The following SORCS2 variants were observed in gnomAD, a reference collection of about 807,000 sequenced individuals.
SORCS2 encodes sortilin related VPS10 domain containing receptor 2.
In SORCS2, 100 loss-of-function variants were observed where a neutral mutation model predicts 141.6. That is an observed-to-expected ratio of 0.71 (90% CI 0.60 to 0.83). The LOEUF is 0.83. Ranked by LOEUF, SORCS2 falls within the 40% of genes least tolerant of loss-of-function variation. The probability of loss-of-function intolerance (pLI) is 0.00; values close to 1 mark genes in which losing one functional copy is unlikely to be tolerated. For missense variants in SORCS2, 1,646 were observed against 1,560.2 expected, an observed-to-expected ratio of 1.05 and a Z score of -0.93; for synonymous variants, 789 against 676.9, an observed-to-expected ratio of 1.17 and a Z score of -2.57.
At chr4:7,736,572 C>T (rs572706476) in intron 25 of SORCS2, among the ~76,000 whole-genome samples, 107 of 152,236 alleles carry the variant, frequency 7.0e-4, no homozygotes, top group African/African-American at 2.4e-3. Context: ...GTGGAGGCAG[C>T]GGGGCTGTGC....
chr4:7,375,263 A>G (rs1046615009), intron 1 of SORCS2, among the ~76,000 whole-genome samples: 1 of 152,228 alleles, frequency 6.6e-6, no homozygotes, highest in Non-Finnish European at 1.5e-5. Flanking sequence ...ATGGGGATAC[A>G]GAATCATTGA....
chr4:7,554,161 C>A (rs1183972334), intron 3 of SORCS2, among the ~76,000 whole-genome samples: 2 of 152,108 alleles, frequency 1.3e-5, no homozygotes, highest in Non-Finnish European at 2.9e-5. Context: ...TAAGGGGGCA[C>A]TACATATCAT....
chr4:7,625,105 A>C (rs1296388840), intron 3 of SORCS2, among the ~76,000 whole-genome samples: 4 of 152,208 alleles, frequency 2.6e-5, no homozygotes, highest in Admixed American at 6.5e-5. Flanking sequence ...CTTGCCATTA[A>C]ATTTACAAAT....
intron 1 of SORCS2, among the ~76,000 whole-genome samples, chr4:7,378,986 C>A (rs1360920463): frequency 6.6e-6 from 1 of 152,156 alleles, no homozygotes; most frequent in African/African-American, 2.4e-5. Flanking sequence ...CCTAGATGCA[C>A]CTTCATTCTC....
intron 3 of SORCS2, among the ~76,000 whole-genome samples, chr4:7,587,091 G>A (rs1288518774): frequency 2.0e-5 from 3 of 151,984 alleles, no homozygotes; most frequent in African/African-American, 4.8e-5. Context: ...GGAGCTCCCT[G>A]TCATGAGAGG....
intron 18 of SORCS2, among the ~76,000 whole-genome samples, chr4:7,718,674 C>A (rs182669855): frequency 2.0e-5 from 3 of 152,316 alleles, no homozygotes; most frequent in South Asian, 2.1e-4. Context: ...AATACTCACA[C>A]AAACACAGAT....
chr4:7,220,105 G>C (rs1728614725), intron 1 of SORCS2, among the ~76,000 whole-genome samples: 1 of 152,176 alleles, frequency 6.6e-6, no homozygotes, highest in Non-Finnish European at 1.5e-5. Context: ...CTGGAGTTGG[G>C]CTGAGACTTC....
intron 3 of SORCS2, among the ~76,000 whole-genome samples, chr4:7,573,818 C>T (rs1289431884): frequency 6.6e-6 from 1 of 152,028 alleles, no homozygotes; most frequent in Non-Finnish European, 1.5e-5. Flanking sequence ...GACCCTGTGG[C>T]TTCAGTCCTT....
chr4:7,288,791 T>TGG (rs770898060), intron 1 of SORCS2, among the ~76,000 whole-genome samples: 553 of 30,882 alleles, frequency 0.018, 5 homozygotes, highest in African/African-American at 0.038. Context: ...TCATGTGGGG[T>TGG]GGGGGGGGGA....
At chr4:7,647,143 C>A (rs909004459) in intron 4 of SORCS2, among the ~76,000 whole-genome samples, 10 of 152,172 alleles carry the variant, frequency 6.6e-5, no homozygotes, top group Non-Finnish European at 1.3e-4. Flanking sequence ...GCGCAAAGGC[C>A]TGGAGGTGAG....
Position 7,225,062 on chromosome 4 carries a change from C to T in SORCS2, c.480+31936C>T, listed in dbSNP as rs190922469. On this transcript the variant is annotated intron_variant, in intron 1 of 26. Transcript: ENST00000507866. ...TTATACAAAATATGTTGGCAGACTC[C>T]TATTGATCCTTCAAAACCCTAATGC... Among the ~76,000 whole-genome samples, 307 of 152,324 alleles carry T rather than the reference C, an allele frequency of 2.0e-3. 1 individual carries two copies. The highest frequency in any genetic ancestry group is 7.0e-3 in the African/African-American group (290 of 41,574).
At chr4:7,547,802 G>T (rs186820669) in intron 3 of SORCS2, among the ~76,000 whole-genome samples, 1 of 152,238 alleles carries the variant, frequency 6.6e-6, no homozygotes, top group East Asian at 1.9e-4. Flanking sequence ...GCACCCCAGG[G>T]CAGGAACTCT....
intron 5 of SORCS2, among the ~76,000 whole-genome samples, chr4:7,655,502 C>T (rs1467438949): frequency 6.6e-6 from 1 of 152,254 alleles, no homozygotes; most frequent in Non-Finnish European, 1.5e-5. Flanking sequence ...TTCGTAATGT[C>T]ACGCTGACCG....
chr4:7,337,894 C>T (rs981369009), intron 1 of SORCS2, among the ~76,000 whole-genome samples: 3 of 152,268 alleles, frequency 2.0e-5, no homozygotes, highest in Admixed American at 1.3e-4. Flanking sequence ...CACATGCTGC[C>T]CCCTTGCTGG....
intron 1 of SORCS2, among the ~76,000 whole-genome samples, chr4:7,392,109 G>A (rs947002013): frequency 7.2e-5 from 11 of 152,228 alleles, no homozygotes; most frequent in Admixed American, 5.9e-4. Context: ...TCGTGGCTGC[G>A]CAGGTTGCAG....
At chr4:7,328,847 C>G (rs1028438195) in intron 1 of SORCS2, among the ~76,000 whole-genome samples, 1 of 152,240 alleles carries the variant, frequency 6.6e-6, no homozygotes, top group Non-Finnish European at 1.5e-5. Context: ...ACCGTCCCTT[C>G]CGGCCTGAGG....
chr4:7,331,290 G>T (rs1230916489), intron 1 of SORCS2, among the ~76,000 whole-genome samples: 1 of 152,164 alleles, frequency 6.6e-6, no homozygotes, highest in African/African-American at 2.4e-5. Flanking sequence ...CTTGGGGCTG[G>T]GGTGGTTGGG....
chr4:7,459,094 T>G (rs1321163446), intron 2 of SORCS2, among the ~76,000 whole-genome samples: 1 of 151,456 alleles, frequency 6.6e-6, no homozygotes, highest in Non-Finnish European at 1.5e-5. Flanking sequence ...GGGCACACTC[T>G]TCTGTGTGCG....
chr4:7,488,783 T>C (rs1731144975), intron 2 of SORCS2, among the ~76,000 whole-genome samples: 1 of 152,232 alleles, frequency 6.6e-6, no homozygotes, highest in African/African-American at 2.4e-5. Context: ...CTGCTTCCTG[T>C]TGCTCCTGTC....
Sources: gnomAD v4.1 joint callset for allele counts (sites outside exome capture counted in the v4.1 genomes callset) on GRCh38, gnomAD v4.1.1 for gene constraint, MANE v1.5 for transcripts, NCBI Gene and HGNC (gene_info 2026-07-23, HGNC 2026-07-21) for gene names.